SMYD3: variants seen among roughly 807,000 people sequenced by gnomAD.
SMYD3 encodes SET and MYND domain containing 3.
In SMYD3, 36 loss-of-function variants were observed where a neutral mutation model predicts 57.7. The observed-to-expected ratio is 0.62, with a 90% confidence interval of 0.48 to 0.82. The LOEUF (loss-of-function observed/expected upper bound fraction) is 0.82, where lower values mean the gene tolerates loss of function less well. SMYD3 is among the 40% of genes least tolerant of loss of function. The pLI, the probability that SMYD3 is intolerant of heterozygous loss-of-function variation, is 0.00. For missense variants in SMYD3, 515 were observed against 538.8 expected (o/e 0.96, Z 0.44); for synonymous variants, 211 against 195.0 (o/e 1.08, Z -0.68).
At chr1:246,193,433 T>C (rs971778931) in intron 5 of SMYD3, among the ~76,000 whole-genome samples, 1 of 152,232 alleles carries the variant, frequency 6.6e-6, no homozygotes, top group Non-Finnish European at 1.5e-5. Flanking sequence ...ATATGTTTAT[T>C]TGTATGATCT....
At chr1:246,044,112 A>G (rs111967786) in intron 5 of SMYD3, among the ~76,000 whole-genome samples, 11 of 152,274 alleles carry the variant, frequency 7.2e-5, no homozygotes, top group Non-Finnish European at 1.6e-4. Flanking sequence ...ACAAAATATT[A>G]TATATTCCAG....
At position 245,749,447 on chromosome 1, in the gene SMYD3, C is replaced by A; in HGVS notation, c.*116G>T. 1 of 746,630 alleles carries A rather than the reference C, an allele frequency of 1.3e-6. No homozygotes were observed. The highest frequency in any genetic ancestry group is 2.5e-5 in the Admixed American group (1 of 40,348). The allele number at this position is 746,630 out of a possible 1,614,324, so 46.3% of individuals were successfully genotyped here. ...GTCTGCCTTTATTTACCTACACAAA[C>A]ACGGAACAGAATTTCCAATAGGAGA... On this transcript the variant is annotated 3_prime_UTR_variant, in exon 12 of 12. Coordinates refer to ENST00000490107, the MANE Select transcript of SMYD3 (RefSeq NM_001167740.2).
intron 10 of SMYD3, among the ~76,000 whole-genome samples, chr1:245,817,206 G>T (rs377468294): frequency 4.8e-5 from 7 of 146,602 alleles, no homozygotes; most frequent in Admixed American, 1.4e-4. Context: ...ATCTGAGAAC[G>T]GGCAGACTGC....
chr1:246,116,389 T>A (rs1042060294), intron 5 of SMYD3, among the ~76,000 whole-genome samples: 2 of 152,188 alleles, frequency 1.3e-5, no homozygotes, highest in African/African-American at 4.8e-5. Flanking sequence ...GTCAACAGAT[T>A]AAATTTATCA....
At chr1:245,796,288 T>C (rs971376155) in intron 10 of SMYD3, among the ~76,000 whole-genome samples, 1 of 152,142 alleles carries the variant, frequency 6.6e-6, no homozygotes, top group Non-Finnish European at 1.5e-5. Flanking sequence ...AATAAAACCT[T>C]ATTGGGACGA....
At chr1:246,435,383 A>AT (rs919372393) in intron 1 of SMYD3, among the ~76,000 whole-genome samples, 6 of 152,060 alleles carry the variant, frequency 3.9e-5, no homozygotes, top group Admixed American at 2.6e-4. Context: ...ATGTATATAC[A>AT]TTTTTTTCCA....
chr1:246,414,562 G>A (rs758057127), intron 1 of SMYD3, among the ~76,000 whole-genome samples: 6 of 151,824 alleles, frequency 4.0e-5, no homozygotes, highest in Non-Finnish European at 8.8e-5. Context: ...AGGCTTTTAC[G>A]TATATATTTT....
At chr1:245,830,234 A>G (rs2049753611) in intron 10 of SMYD3, among the ~76,000 whole-genome samples, 1 of 152,184 alleles carries the variant, frequency 6.6e-6, no homozygotes, top group African/African-American at 2.4e-5. Context: ...AGACTGGGTA[A>G]TTTTTAAAGG....
At position 245,971,007 on chromosome 1, in the gene SMYD3, T is replaced by C. The variant is rs188817888; in HGVS notation, c.532-41070A>G. On this transcript the variant is annotated intron_variant, in intron 5 of 11. Transcript: ENST00000490107. ...AAAGACACATGCACACATATGTTTA[T>C]TGCGGCACTATTCACAATAGCAAAG... Among the ~76,000 whole-genome samples the C allele has an allele frequency of 5.0e-3, 756 of 152,334 alleles. 2 individuals carry two copies. The highest frequency in any genetic ancestry group is 6.8e-3 in the Middle Eastern group (2 of 294).
intron 1 of SMYD3, among the ~76,000 whole-genome samples, chr1:246,464,213 G>A (rs975440174): frequency 1.3e-5 from 2 of 152,050 alleles, no homozygotes; most frequent in African/African-American, 4.8e-5. Flanking sequence ...AGAGAAAAAG[G>A]TTTAAAGATA....
intron 5 of SMYD3, among the ~76,000 whole-genome samples, chr1:246,064,245 A>G (rs2060303835): frequency 6.6e-6 from 1 of 152,074 alleles, no homozygotes. Flanking sequence ...AAGGCTGCCC[A>G]CTGCCCTCAA....
chr1:246,329,564 T>G (rs2065424196), intron 4 of SMYD3, among the ~76,000 whole-genome samples: 1 of 152,196 alleles, frequency 6.6e-6, no homozygotes. Context: ...TTAATTTGTT[T>G]GAGTTCATTG....
intron 8 of SMYD3, among the ~76,000 whole-genome samples, chr1:245,881,341 T>C (rs1041173526): frequency 6.6e-6 from 1 of 152,210 alleles, no homozygotes; most frequent in African/African-American, 2.4e-5. Context: ...TGTGAGTTTG[T>C]AGGTCTTGGT....
At chr1:245,794,581 C>T (rs1288030328) in intron 10 of SMYD3, among the ~76,000 whole-genome samples, 6 of 152,344 alleles carry the variant, frequency 3.9e-5, no homozygotes, top group Middle Eastern at 3.4e-3. Context: ...TTTAAAAACT[C>T]TGTCAAATTG....
At chr1:245,780,057 C>A (rs1455785347) in intron 10 of SMYD3, among the ~76,000 whole-genome samples, 1 of 152,078 alleles carries the variant, frequency 6.6e-6, no homozygotes, top group Non-Finnish European at 1.5e-5. Context: ...AAATGAGAAC[C>A]CTCATACCCT....
chr1:246,315,008 G>C (rs2065134191), intron 5 of SMYD3, among the ~76,000 whole-genome samples: 1 of 152,090 alleles, frequency 6.6e-6, no homozygotes, highest in South Asian at 2.1e-4. Flanking sequence ...TAACAGAAAG[G>C]GCATTAGACA....
chr1:246,030,052 G>A (rs1238453975), intron 5 of SMYD3, among the ~76,000 whole-genome samples: 2 of 144,494 alleles, frequency 1.4e-5, no homozygotes, highest in Non-Finnish European at 1.5e-5. Flanking sequence ...AAAGGGATAC[G>A]CACACCCCCA....
At chr1:246,478,640 T>G (rs4654268) in intron 1 of SMYD3, among the ~76,000 whole-genome samples, 2 of 14,390 alleles carry the variant, frequency 1.4e-4, no homozygotes, top group East Asian at 3.5e-3. Flanking sequence ...TATATGTACA[T>G]CTGTCCTCCG....
At chr1:246,447,315 G>A (rs1466083042) in intron 1 of SMYD3, among the ~76,000 whole-genome samples, 1 of 152,150 alleles carries the variant, frequency 6.6e-6, no homozygotes, top group Non-Finnish European at 1.5e-5. Flanking sequence ...GGAACACTGT[G>A]TAACAAAATG....
Sources: allele counts gnomAD v4.1 joint callset (sites outside exome capture counted in the v4.1 genomes callset), GRCh38; gene constraint gnomAD v4.1.1; transcripts MANE v1.5; gene names NCBI Gene and HGNC (gene_info 2026-07-23, HGNC 2026-07-21).